RNF213: variants seen among roughly 807,000 people sequenced by gnomAD.
The protein encoded by RNF213 is E3 ubiquitin-protein ligase RNF213.
RNF213 carries 341 observed loss-of-function variants against 514.4 expected under a neutral mutation model. The ratio of observed to expected loss-of-function variants is 0.66; its 90% CI spans 0.61 to 0.73. RNF213 has a LOEUF of 0.73. Ranked by LOEUF, RNF213 falls within the 30% of genes least tolerant of loss-of-function variation. The pLI is 0.00. For synonymous variants in RNF213, 2,655 were observed against 2,658.2 expected (o/e 1.00, Z 0.04); for missense variants, 5,767 against 6,615.6 (o/e 0.87, Z 4.45).
At chr17:80,379,401 A>T in intron 54 of RNF213, 1 of 580,412 alleles carries the variant, frequency 1.7e-6, no homozygotes, top group South Asian at 1.9e-5. Context: ...AAATTGTCTC[A>T]CTTATTTAAA....
At chr17:80,324,898 C>T in intron 17 of RNF213, 132 bp from the exon 18 acceptor site, 2 of 895,440 alleles carry the variant, frequency 2.2e-6, no homozygotes, top group South Asian at 3.3e-5. Context: ...CTATTTTGCT[C>T]TTTTTGTGGC....
intron 67 of RNF213, 76 bp downstream of exon 67, chr17:80,390,272 A>G: frequency 6.8e-7 from 1 of 1,471,422 alleles, no homozygotes; most frequent in Non-Finnish European, 9.5e-7. Context: ...TATAGACACA[A>G]AAATAGTTCT....
chr17:80,367,620 G>A, intron 42 of RNF213, 128 bp from the exon 43 acceptor site: 1 of 709,138 alleles, frequency 1.4e-6, no homozygotes, highest in East Asian at 2.7e-5. Context: ...GATCACAAAG[G>A]CCTCGCACCC....
intron 3 of RNF213, 47 bp from the exon 4 acceptor site, chr17:80,287,768 G>C: frequency 1.3e-6 from 2 of 1,597,264 alleles, no homozygotes; most frequent in Non-Finnish European, 1.7e-6. Context: ...ACGGGCTAGA[G>C]TAGAGTAAAT....
chr17:80,319,052 G>A lies in RNF213; in HGVS notation c.2902-138G>A, dbSNP rs747730072. 139 of 1,584,608 alleles carry A rather than the reference G, an allele frequency of 8.8e-5. 1 individual carries two copies. The highest frequency in any genetic ancestry group is 8.2e-4 in the African/African-American group (61 of 74,394). On this transcript the variant is annotated intron_variant, in intron 16 of 67. Coordinates refer to ENST00000582970, the MANE Select transcript of RNF213 (RefSeq NM_001256071.3). ...GGGGGGCAGGGAGGACATGCTTTGC[G>A]TGGGCCAGGAGAAGCTTAAAATTGG...
chr17:80,334,872 C>T (rs1040742987), intron 22 of RNF213, among the ~76,000 whole-genome samples: 2 of 150,506 alleles, frequency 1.3e-5, no homozygotes, highest in South Asian at 2.1e-4. Context: ...GTGATCAGCC[C>T]GTCTTGGCCT....
intron 3 of RNF213, among the ~76,000 whole-genome samples, chr17:80,280,900 C>T (rs112007394): frequency 6.6e-6 from 1 of 152,114 alleles, no homozygotes; most frequent in South Asian, 2.1e-4. Context: ...GTAACAGAGG[C>T]GCGACCTGGG....
intron 36 of RNF213, among the ~76,000 whole-genome samples, chr17:80,355,598 A>AT (rs1599107669): frequency 1.1e-4 from 3 of 27,534 alleles, no homozygotes; most frequent in Admixed American, 3.8e-4. Flanking sequence ...GGGGGCTTAC[A>AT]GGGGAAGAAG....
rs1274103585 is a variant in RNF213, at chr17:80,290,714, G to A, written c.1257G>A (p.Glu419=). ...GESKWDSNIC[E]LHYTRDLGHD... The stretch of plus-strand genomic sequence containing the variant: ...CAAAATGGGACAGCAATATCTGTGA[G>A]CTGCACTACACCAGGTGAGCGTGTC... Residue 419 remains glutamate, a synonymous_variant, in exon 7 of 68, where the codon GAG becomes GAA. Coordinates refer to ENST00000582970, the MANE Select transcript of RNF213 (RefSeq NM_001256071.3). 6.2e-7 allele frequency: 1 copy of A among 1,614,202 alleles called. No homozygotes were observed.
rs747482273 is a variant in RNF213 at position 80,361,797 on chromosome 17, T to A, written c.11264T>A (p.Leu3755His). The A allele has an allele frequency of 6.2e-7, 1 of 1,614,042 alleles. No homozygotes were observed. Residue 3755 changes from leucine to histidine, a missense_variant, in exon 39 of 68, where the codon CTC becomes CAC. Coordinates refer to ENST00000582970, the MANE Select transcript of RNF213 (RefSeq NM_001256071.3). The part of the protein sequence containing the change: ...QTPLGRFLAQ[L>H]HGEPQQELLQ... ...CCTCTGGGCAGGTTTCTTGCCCAGC[T>A]CCATGGAGAGCCGCAGCAGGAACTT...
Position 80,317,363 on chromosome 17 carries a change from G to T in RNF213, c.2901+86G>T. The T allele has an allele frequency of 8.4e-7, 1 of 1,195,588 alleles. No individual in the cohort carries two copies. 74.1% of individuals were successfully genotyped at this position (1,195,588 alleles called of 1,614,324 possible). A position where few individuals can be genotyped will look rare whatever the true frequency, so the allele number is the denominator to read the frequency against. On this transcript the variant is annotated intron_variant, in intron 16 of 67. Coordinates refer to ENST00000582970, the MANE Select transcript of RNF213 (RefSeq NM_001256071.3). This position sits in a 1 kb window ranked among gnomAD's most constrained non-coding sequence, Gnocchi z 4.1. ...CATTAGCGACAGCCAAGAGATCTCA[G>T]CAGTGCCTCTCTGTGGGCAGGGATG...
rs1349705701 is a variant in RNF213, at chr17:80,389,242, G to A, written c.15070G>A (p.Val5024Met). The change falls in exon 65 of 68, where the codon GTG (valine) becomes ATG (methionine). Residue 5024 changes from valine to methionine, a missense_variant. Around this residue, in one of 13 missense-constraint regions of RNF213, gnomAD observed 1,245 missense variants for 1,339.0 expected, o/e 0.93. Coordinates refer to ENST00000582970, the MANE Select transcript of RNF213 (RefSeq NM_001256071.3). ...GCAGTCCTACAGCGATGCCTGTGAA[G>A]TGCTGTCTGTCGTAGAAGTCACTCT... Reference protein sequence around the residue: ...QLQSYSDACEVLSVVEVTLGF... With the variant: ...QLQSYSDACEMLSVVEVTLGF... 5 of 1,614,114 alleles carry A rather than the reference G, an allele frequency of 3.1e-6. No individual in the cohort carries two copies. Among genetic ancestry groups the A allele is most frequent in the African/African-American group, 1.3e-5 (1 of 74,938 alleles).
intron 8 of RNF213, among the ~76,000 whole-genome samples, chr17:80,294,020 G>A (rs1370995982): frequency 1.3e-5 from 2 of 152,178 alleles, no homozygotes; most frequent in African/African-American, 2.4e-5. Context: ...AGGCCTGTCC[G>A]GGCGCTTCCC....
rs565004625 is a variant in RNF213 at position 80,337,703 on chromosome 17, C to A, written c.4645C>A (p.Gln1549Lys). 4.8e-4 allele frequency: 740 copies of A among 1,537,180 alleles called. No homozygotes were observed. Among genetic ancestry groups the A allele is most frequent in the Non-Finnish European group, 6.2e-4 (713 of 1,146,922 alleles). ...AINQRGIYVI[Q>K]APKGGQKISP... ...CAACCAAAGAGGCATCTATGTGATC[C>A]AGGCGCCCAAAGGTGGCCAAAAGGT... Residue 1549 changes from glutamine (Q) to lysine (K), a missense_variant, in exon 24 of 68, where the codon CAG becomes AAG. Transcript: ENST00000582970.
rs749528269 is a variant in RNF213 at position 80,309,101 on chromosome 17, T to C, written c.2585T>C (p.Leu862Pro). Residue 862 changes from leucine to proline, a missense_variant, in exon 14 of 68, where the codon CTT (leucine) becomes CCT (proline). Leu to Pro is a moderately conservative substitution (Grantham distance 98, BLOSUM62 -3). Coordinates refer to ENST00000582970, the MANE Select transcript of RNF213 (RefSeq NM_001256071.3). ...HEAICSSTKL[L>P]KFYELPALSA... ...GCCATCTGCAGCAGCACAAAGCTACTTAAGTTTTACGAGCTGCCAGCCTTA... is the reference window on the plus strand; with the variant it reads ...GCCATCTGCAGCAGCACAAAGCTACCTAAGTTTTACGAGCTGCCAGCCTTA... 6.2e-7 allele frequency: 1 copy of C among 1,614,234 alleles called. No individual in the cohort carries two copies. Among genetic ancestry groups the C allele is most frequent in the East Asian group, 2.2e-5 (1 of 44,888 alleles).
chr17:80,275,402 C>T (rs1031519199), intron 3 of RNF213, among the ~76,000 whole-genome samples: 5 of 151,892 alleles, frequency 3.3e-5, no homozygotes, highest in Non-Finnish European at 4.4e-5. Flanking sequence ...TGAATAAACC[C>T]TTTGCCATCT....
At chr17:80,298,646 C>T (rs2045053432) in intron 11 of RNF213, 128 bp downstream of exon 11, 1 of 989,116 alleles carries the variant, frequency 1.0e-6, no homozygotes, top group Non-Finnish European at 1.6e-6. Context: ...AACACACGCT[C>T]TTTTAACATT....
intron 14 of RNF213, among the ~76,000 whole-genome samples, chr17:80,309,684 G>A (rs1193244040): frequency 1.3e-5 from 2 of 152,080 alleles, no homozygotes; most frequent in South Asian, 2.1e-4. Context: ...CTGATGGCAG[G>A]ATGACCCGGC....
chr17:80,388,495 T>G lies in RNF213; in HGVS notation c.14923-117T>G. The G allele has an allele frequency of 1.7e-5, 13 of 773,512 alleles. No homozygotes were observed. The South Asian group carries it at 1.8e-4, about 11-fold the overall frequency. The allele number at this position is 773,512 out of a possible 1,614,324, so 47.9% of individuals were successfully genotyped here. ...GAGAGGGGCGCTCTTAGCCAAGGGA[T>G]ACACAGGGCAGCGCGGCACTACGCT... On this transcript the variant is annotated intron_variant, in intron 63 of 67. Transcript: ENST00000582970.
Sources: allele counts gnomAD v4.1 joint callset (sites outside exome capture counted in the v4.1 genomes callset), GRCh38; gene constraint gnomAD v4.1.1; regional missense constraint gnomAD v4.1.1; non-coding constraint Gnocchi (gnomAD v3.1); transcripts MANE v1.5; gene names NCBI Gene and HGNC (gene_info 2026-07-23, HGNC 2026-07-21).